The following ADAMTS13 variants were observed in gnomAD, a reference collection of about 807,000 sequenced individuals.
The protein encoded by ADAMTS13 is A disintegrin and metalloproteinase with thrombospondin motifs 13.
In ADAMTS13, 110 loss-of-function variants were observed where a neutral mutation model predicts 155.1. The observed-to-expected ratio is 0.71, with a 90% CI of 0.61 to 0.83. ADAMTS13 has a LOEUF of 0.83. Ranked by LOEUF, ADAMTS13 falls within the 40% of genes least tolerant of loss-of-function variation. The pLI is 0.00. For missense variants in ADAMTS13, 1,707 were observed against 1,891.7 expected (o/e 0.90, Z 1.81); for synonymous variants, 758 against 756.4 (o/e 1.00, Z -0.03).
rs1554787840 is a variant in ADAMTS13, at chr9:133,432,687, G to A, written c.1087G>A (p.Glu363Lys). The change falls in exon 9 of 29, where the codon GAG (glutamate) becomes AAG (lysine). Residue 363 changes from glutamate (E) to lysine (K), a missense_variant. By Grantham distance (56) the Glu-to-Lys change is moderately conservative. Transcript: ENST00000355699. ...CCTGGATGGGACAGAATGTGGCGTG[G>A]AGAAGGTCAGAGCCAAGAGTGAATG... ...PLLDGTECGVEKWCSKGRCRS... is the reference protein window; with the variant it reads ...PLLDGTECGVKKWCSKGRCRS... 2 of 1,555,336 alleles carry A rather than the reference G, an allele frequency of 1.3e-6. No homozygotes were observed. Among genetic ancestry groups the A allele is most frequent in the African/African-American group, 1.4e-5 (1 of 73,732 alleles).
intron 8 of ADAMTS13, among the ~76,000 whole-genome samples, chr9:133,430,899 A>G (rs1012205140): frequency 6.6e-6 from 1 of 151,970 alleles, no homozygotes; most frequent in African/African-American, 2.4e-5. Context: ...TGACCTCGTG[A>G]TCCGCCCGCC....
At chr9:133,423,077 C>T (rs1554783997) in intron 1 of ADAMTS13, 24 bp from the exon 2 acceptor site, 1 of 1,611,898 alleles carries the variant, frequency 6.2e-7, no homozygotes, top group South Asian at 1.1e-5. Context: ...TGCCCGGCCC[C>T]ATCCATCTCT....
chr9:133,448,399 G>T (rs1842211871), intron 21 of ADAMTS13, among the ~76,000 whole-genome samples, 200 bp from the exon 22 acceptor site: 1 of 152,222 alleles, frequency 6.6e-6, no homozygotes, highest in Non-Finnish European at 1.5e-5. Context: ...GATTCTGCAA[G>T]GTAGATGCCA....
chr9:133,424,272 T>G lies in ADAMTS13; in HGVS notation c.173-49T>G, dbSNP rs782247888. The G allele has an allele frequency of 3.7e-6, 6 of 1,606,096 alleles. No individual in the cohort carries two copies. In the East Asian group the frequency reaches 1.3e-4, roughly 36 times the overall value. ...AGCCCCTTTCCTGTTAGCTTTCCAC[T>G]GCTTGCTCTCTAGAACCATCGCCCT... On this transcript the variant is annotated intron_variant, in intron 2 of 28. Transcript: ENST00000355699. The surrounding 1 kb of genome is among the most constrained non-coding windows in gnomAD (Gnocchi z 4.3).
chr9:133,429,992 C>A lies in ADAMTS13; in HGVS notation c.878C>A (p.Ala293Glu). 6.4e-7 allele frequency: 1 copy of A among 1,559,148 alleles called. No individual in the cohort carries two copies. Among genetic ancestry groups the A allele is most frequent in the Non-Finnish European group, 8.6e-7 (1 of 1,157,162 alleles). Residue 293 changes from alanine to glutamate, a missense_variant, in exon 8 of 29, where the codon GCG (alanine) becomes GAG (glutamate). Physicochemically the swap from Ala to Glu is moderately radical, Grantham distance 107. Around this residue, in one of 3 missense-constraint regions of ADAMTS13, gnomAD observed 733 missense variants for 749.6 expected, o/e 0.98. Transcript: ENST00000355699. ...WDPPRPQPGS[A>E]GHPPDAQPGL... The stretch of plus-strand genomic sequence containing the variant: ...CCGCCGCGGCCTCAACCCGGGTCCG[C>A]GGGGCACCCGCCGGATGCGCAGCCT...
At position 133,459,029 on chromosome 9, in the gene ADAMTS13, A is replaced by C. The variant is rs781880610; in HGVS notation, c.3965A>C (p.Tyr1322Ser). The C allele has an allele frequency of 1.2e-6, 2 of 1,613,086 alleles. No individual in the cohort carries two copies. Among genetic ancestry groups the C allele is most frequent in the African/African-American group, 2.7e-5 (2 of 74,902 alleles). Residue 1322 changes from tyrosine (Y) to serine (S), a missense_variant, in exon 29 of 29, where the codon TAC (tyrosine) becomes TCC (serine). Tyr to Ser is a moderately radical substitution (Grantham distance 144). This residue lies in a region of ADAMTS13 where 961 missense variants were observed against 1,107.9 expected (regional missense o/e 0.87). Coordinates refer to ENST00000355699, the MANE Select transcript of ADAMTS13 (RefSeq NM_139027.6). ...GCGTTCCATGGGCAGCAGGTGCTCT[A>C]CTGGGAGTCAGAGAGCAGCCAGGCT... Reference protein sequence around the residue: ...TTAFHGQQVLYWESESSQAEM... With the variant: ...TTAFHGQQVLSWESESSQAEM...
Position 133,433,497 on chromosome 9 carries a change from G to GGTCACCACCTCCT in ADAMTS13, c.1219_1220insCCTCCTGTCACCA (p.Arg407ThrfsTer25). The GGTCACCACCTCCT allele has an allele frequency of 2.5e-6, 4 of 1,613,540 alleles. No homozygotes were observed. Among genetic ancestry groups the GGTCACCACCTCCT allele is most frequent in the Non-Finnish European group, 3.4e-6 (4 of 1,179,882 alleles). Reference sequence around the variant, plus strand: ...GCTCCCGCTCCTGCGGAGGAGGTGTGGTCACCAGGAGGCGGCAGTGCAACA... The same window carrying GGTCACCACCTCCT: ...GCTCCCGCTCCTGCGGAGGAGGTGTGGTCACCACCTCCTGTCACCAGGAGGCGGCAGTGCAACA... On this transcript the variant is annotated frameshift_variant, in exon 10 of 29. Coordinates refer to ENST00000355699, the MANE Select transcript of ADAMTS13 (RefSeq NM_139027.6). LOFTEE classifies it high-confidence loss of function.
chr9:133,458,129 T>C (rs2130958072), intron 28 of ADAMTS13, 35 bp downstream of exon 28: 2 of 1,608,172 alleles, frequency 1.2e-6, no homozygotes, highest in African/African-American at 1.3e-5. Flanking sequence ...GCTGTGATTC[T>C]GGACAGCTTT....
At chr9:133,432,445 C>G (rs782281871) in intron 8 of ADAMTS13, 143 bp from the exon 9 acceptor site, 3 of 744,974 alleles carry the variant, frequency 4.0e-6, no homozygotes, top group Non-Finnish European at 6.9e-6. Flanking sequence ...ATGCCTTGTC[C>G]TCTGAGGGCA....
At chr9:133,416,808 G>A (rs183699631) in intron 1 of ADAMTS13, among the ~76,000 whole-genome samples, 49 of 152,322 alleles carry the variant, frequency 3.2e-4, no homozygotes, top group African/African-American at 1.2e-3. Flanking sequence ...GATGATGGAA[G>A]TGTCCACCTC....
In ADAMTS13 at chr9:133,423,192, C is replaced by T. The variant is rs1554784089; in HGVS notation, c.172+25C>T. On this transcript the variant is annotated intron_variant, in intron 2 of 28. Transcript: ENST00000355699. ...GGTACTTGTCCTGGTGTCTTCTCTC[C>T]CGGGGGGAGTTTCTCAGGACTTTCA... 12 of 1,609,462 alleles carry T rather than the reference C, an allele frequency of 7.5e-6. No individual in the cohort carries two copies. The South Asian group carries it at 8.8e-5, about 12-fold the overall frequency.
intron 6 of ADAMTS13, among the ~76,000 whole-genome samples, chr9:133,427,291 C>T (rs587653924): frequency 4.2e-4 from 64 of 152,318 alleles, no homozygotes; most frequent in Admixed American, 8.5e-4. Flanking sequence ...GTGGGCAAAC[C>T]TTCACTCTTA....
chr9:133,427,545 G>C (rs976195755), intron 6 of ADAMTS13, among the ~76,000 whole-genome samples: 4 of 152,162 alleles, frequency 2.6e-5, no homozygotes, highest in African/African-American at 9.7e-5. Flanking sequence ...CTCAGAGGGA[G>C]CATAGTTCCC....
Position 133,440,973 on chromosome 9 carries a change from C to T in ADAMTS13, c.1968+448C>T, listed in dbSNP as rs1023936524. ...TTGTGGGGAGATGAAGGCATGGACG[C>T]AGGTGCAGTGGCATCTGGGGAGTAG... On this transcript the variant is annotated intron_variant, in intron 16 of 28. Coordinates refer to ENST00000355699, the MANE Select transcript of ADAMTS13 (RefSeq NM_139027.6). This position sits in a 1 kb window ranked among gnomAD's most constrained non-coding sequence, Gnocchi z 4.3. 6.6e-6 allele frequency among the ~76,000 whole-genome samples: 1 copy of T among 152,078 alleles called. No homozygotes were observed. Among genetic ancestry groups the T allele is most frequent in the Non-Finnish European group, 1.5e-5 (1 of 68,004 alleles).
At chr9:133,442,777 G>A in intron 18 of ADAMTS13, 34 bp downstream of exon 18, 2 of 1,603,140 alleles carry the variant, frequency 1.2e-6, no homozygotes, top group Non-Finnish European at 1.7e-6. Context: ...GCTCCAAGGG[G>A]GAGAGAGGGT....
In ADAMTS13 at chr9:133,425,889, C is replaced by T. The variant is rs368435736; in HGVS notation, c.415-49C>T. Reference sequence around the variant, plus strand: ...GAAACAAACCGACCGCAGTCAGCACCGTGCCTGGTTGGGGTGTCCTAAATG... The same window carrying T: ...GAAACAAACCGACCGCAGTCAGCACTGTGCCTGGTTGGGGTGTCCTAAATG... On this transcript the variant is annotated intron_variant, in intron 4 of 28. Transcript: ENST00000355699. The surrounding 1 kb of genome is among the most constrained non-coding windows in gnomAD (Gnocchi z 4.6). 55 of 1,610,654 alleles carry T rather than the reference C, an allele frequency of 3.4e-5. No homozygotes were observed. Among genetic ancestry groups the T allele is most frequent in the Non-Finnish European group, 4.2e-5 (50 of 1,179,712 alleles).
At chr9:133,453,546 C>A (rs191058754) in intron 23 of ADAMTS13, among the ~76,000 whole-genome samples, 1 of 152,150 alleles carries the variant, frequency 6.6e-6, no homozygotes, top group Admixed American at 6.5e-5. Context: ...CCTGTAGTCT[C>A]AGCTACTTGG....
In ADAMTS13 at chr9:133,448,719, G is replaced by T; in HGVS notation, c.2852G>T (p.Cys951Phe). 1 of 1,601,370 alleles carries T rather than the reference G, an allele frequency of 6.2e-7. No individual in the cohort carries two copies. The change falls in exon 22 of 29, where the codon TGC becomes TTC. Residue 951 changes from cysteine (C) to phenylalanine (F), a missense_variant. Cys to Phe is a radical substitution (Grantham distance 205). Around this residue, in one of 3 missense-constraint regions of ADAMTS13, gnomAD observed 961 missense variants for 1,107.9 expected, o/e 0.87. Coordinates refer to ENST00000355699, the MANE Select transcript of ADAMTS13 (RefSeq NM_139027.6). Reference sequence around the variant, plus strand: ...CGGGAGGTCTGCCAGGCTGTCCCGTGCCCTGCTCGGTGAGTGAGGGGAGCA... The same window carrying T: ...CGGGAGGTCTGCCAGGCTGTCCCGTTCCCTGCTCGGTGAGTGAGGGGAGCA... ...SRREVCQAVP[C>F]PARWQYKLAA... is the part of the protein sequence containing the mutation.
chr9:133,456,524 C>T lies in ADAMTS13; in HGVS notation c.3548-19C>T. On this transcript the variant is annotated intron_variant, in intron 26 of 28. Coordinates refer to ENST00000355699, the MANE Select transcript of ADAMTS13 (RefSeq NM_139027.6). The surrounding 1 kb of genome is among the most constrained non-coding windows in gnomAD (Gnocchi z 4.4). ...CAGGCGTGGGAGTGCTGGACCCTCA[C>T]TGCCCTGCCGCTTCCTAGGGGACAT... 4 of 1,611,652 alleles carry T rather than the reference C, an allele frequency of 2.5e-6. No homozygotes were observed. Among genetic ancestry groups the T allele is most frequent in the Non-Finnish European group, 3.4e-6 (4 of 1,179,504 alleles).
Sources: gnomAD v4.1 joint callset for allele counts (sites outside exome capture counted in the v4.1 genomes callset) on GRCh38, gnomAD v4.1.1 for gene constraint, gnomAD v4.1.1 regional missense constraint, Gnocchi (gnomAD v3.1) non-coding constraint, MANE v1.5 for transcripts, NCBI Gene and HGNC (gene_info 2026-07-23, HGNC 2026-07-21) for gene names.